MDN1: variants seen among roughly 807,000 people sequenced by gnomAD.
MDN1 encodes midasin.
A neutral mutation model predicts 669.2 loss-of-function variants in MDN1; 266 were observed. The observed-to-expected ratio is 0.40, with a 90% CI of 0.36 to 0.44. The LOEUF is 0.44. MDN1 is among the 20% of genes least tolerant of loss of function. MDN1 has a pLI of 1.00. For synonymous variants in MDN1, 2,385 were observed against 2,457.1 expected, an observed-to-expected ratio of 0.97 and a Z score of 0.87; for missense variants, 5,940 against 6,754.0, an observed-to-expected ratio of 0.88 and a Z score of 4.22.
intron 70 of MDN1, among the ~76,000 whole-genome samples, chr6:89,685,604 A>G (rs573113126): frequency 2.0e-5 from 3 of 152,300 alleles, no homozygotes; most frequent in Admixed American, 6.5e-5. Context: ...TTCATCTGGC[A>G]ATTTACCTCT....
intron 95 of MDN1, among the ~76,000 whole-genome samples, chr6:89,651,280 G>A (rs563952894): frequency 6.4e-5 from 9 of 140,652 alleles, no homozygotes; most frequent in South Asian, 4.4e-4. Context: ...GGTCAAGATC[G>A]CGCCACAGCA....
chr6:89,774,513 A>G, intron 13 of MDN1, 108 bp downstream of exon 13: 1 of 771,092 alleles, frequency 1.3e-6, no homozygotes, highest in Non-Finnish European at 2.2e-6. Flanking sequence ...TACTACAGAT[A>G]TCACAGTTCA....
At chr6:89,791,499 A>C (rs1819266846) in intron 5 of MDN1, among the ~76,000 whole-genome samples, 1 of 152,218 alleles carries the variant, frequency 6.6e-6, no homozygotes, top group Admixed American at 6.5e-5. Context: ...TCATGCAGAA[A>C]TATAAATGAA....
rs998171297 is a variant in MDN1, at chr6:89,772,449, G to A, written c.2083+124C>T. 9.9e-6 allele frequency: 10 copies of A among 1,013,508 alleles called. No individual in the cohort carries two copies. The South Asian group carries it at 1.1e-4, about 12-fold the overall frequency. 62.8% of individuals were successfully genotyped at this position (1,013,508 alleles called of 1,614,324 possible). On this transcript the variant is annotated intron_variant, in intron 14 of 101. Transcript: ENST00000369393. ...TTAACAGTAGTTATTTCCAGGCAGA[G>A]ATTACATGTGGGGTGCTGGCACTCT...
intron 78 of MDN1, among the ~76,000 whole-genome samples, chr6:89,675,133 T>G (rs896108756): frequency 2.6e-5 from 4 of 152,230 alleles, no homozygotes; most frequent in African/African-American, 9.6e-5. Context: ...AGCCTAACTA[T>G]TGGCCCACAT....
chr6:89,658,285 G>C lies in MDN1; in HGVS notation c.15107C>G (p.Thr5036Ser). ...TGTGTTCTGCATGTTCTCCACACCA[G>C]TCTGCCCACAGGAGGCATGCTCCTT... ...ERKEHASCGQTGVENMQNTQA... is the reference protein window; with the variant it reads ...ERKEHASCGQSGVENMQNTQA... The change falls in exon 90 of 102, where the codon ACT (threonine) becomes AGT (serine). Residue 5036 changes from threonine (T) to serine (S), a missense_variant. Physicochemically the swap from Thr to Ser is moderately conservative, Grantham distance 58 (BLOSUM62 1). Transcript: ENST00000369393. The C allele has an allele frequency of 2.5e-6, 4 of 1,614,188 alleles. No individual in the cohort carries two copies. The highest frequency in any genetic ancestry group is 3.4e-6 in the Non-Finnish European group (4 of 1,180,034).
chr6:89,799,135 T>C (rs1767466319), intron 2 of MDN1, among the ~76,000 whole-genome samples: 1 of 152,238 alleles, frequency 6.6e-6, no homozygotes, highest in Non-Finnish European at 1.5e-5. Flanking sequence ...TTCTGCTGTA[T>C]GGCCGCATGA....
Position 89,785,076 on chromosome 6 carries a change from G to A in MDN1, c.1385C>T (p.Thr462Ile). The change falls in exon 9 of 102, where the codon ACT (threonine) becomes ATT (isoleucine). Residue 462 changes from threonine (T) to isoleucine (I), a missense_variant. Around this residue, in one of 5 missense-constraint regions of MDN1, gnomAD observed 1,203 missense variants for 1,268.9 expected, o/e 0.95. Coordinates refer to ENST00000369393, the MANE Select transcript of MDN1 (RefSeq NM_014611.3). ...TTTGGTCCAATATTTGTCTAGCAAA[G>A]TAGCATGACTGTTTAGCGGTCGATA... The part of the protein sequence containing the change: ...NWYRPLNSHA[T>I]LLDKYWTKIH... The A allele has an allele frequency of 6.2e-7, 1 of 1,614,132 alleles. No homozygotes were observed. Among genetic ancestry groups the A allele is most frequent in the Non-Finnish European group, 8.5e-7 (1 of 1,179,988 alleles).
At chr6:89,734,691 A>AAGAGAGAG (rs1554188772) in intron 33 of MDN1, among the ~76,000 whole-genome samples, 1 of 112,996 alleles carries the variant, frequency 8.8e-6, no homozygotes, top group Non-Finnish European at 1.7e-5. Flanking sequence ...AAAAAAAAAC[A>AAGAGAGAG]AGAGAGAGAG....
At chr6:89,739,373 T>C (rs1429126493) in intron 32 of MDN1, among the ~76,000 whole-genome samples, 1 of 152,204 alleles carries the variant, frequency 6.6e-6, no homozygotes, top group African/African-American at 2.4e-5. Flanking sequence ...CCAGTTTTTA[T>C]ATTTTGAATG....
At chr6:89,684,171 C>A (rs565678197) in intron 71 of MDN1, among the ~76,000 whole-genome samples, 21 of 152,112 alleles carry the variant, frequency 1.4e-4, no homozygotes, top group South Asian at 4.2e-4. Context: ...GGTGAAACCC[C>A]GTCTCTACTA....
intron 17 of MDN1, among the ~76,000 whole-genome samples, chr6:89,760,385 C>T (rs1234809647): frequency 6.6e-6 from 1 of 152,178 alleles, no homozygotes; most frequent in Non-Finnish European, 1.5e-5. Flanking sequence ...TCCCCGGAGA[C>T]ACACATGGTG....
rs1223973267 is a variant in MDN1, at chr6:89,684,900, A to G, written c.11805T>C (p.Arg3935=). The part of the protein sequence containing the change: ...DRVQAKIVEL[R]SPLEKELKEF... ...CTTTAAGTTCTTTTTCTAGGGGGGA[A>G]CGAAGTTCCACAATTTTGGCCTGGA... Residue 3935 remains arginine, a synonymous_variant, in exon 71 of 102, where the codon CGT becomes CGC. Coordinates refer to ENST00000369393, the MANE Select transcript of MDN1 (RefSeq NM_014611.3). 1 of 1,610,192 alleles carries G rather than the reference A, an allele frequency of 6.2e-7. No individual in the cohort carries two copies. The highest frequency in any genetic ancestry group is 2.2e-5 in the East Asian group (1 of 44,882).
chr6:89,658,951 A>G, intron 88 of MDN1, 34 bp from the exon 89 acceptor site: 1 of 1,546,132 alleles, frequency 6.5e-7, no homozygotes, highest in Non-Finnish European at 8.7e-7. Context: ...GGAGTGCAGA[A>G]TTTTTGAAAC....
At chr6:89,780,640 CCTTTT>C (rs1818620437) in intron 10 of MDN1, among the ~76,000 whole-genome samples, 1 of 144,092 alleles carries the variant, frequency 6.9e-6, no homozygotes, top group Non-Finnish European at 1.5e-5. Context: ...GATGCCATTT[CCTTTT>C]TTTTTTTTTT....
At chr6:89,780,916 T>C (rs1182663327) in intron 10 of MDN1, among the ~76,000 whole-genome samples, 2 of 151,868 alleles carry the variant, frequency 1.3e-5, no homozygotes, top group Non-Finnish European at 2.9e-5. Flanking sequence ...CCCAAAGTGC[T>C]GGGATTACAG....
Position 89,701,464 on chromosome 6 carries a change from G to A in MDN1, c.8427+94C>T, listed in dbSNP as rs1584225174. 2.5e-5 allele frequency: 37 copies of A among 1,468,736 alleles called. No individual in the cohort carries two copies. The East Asian group carries it at 7.0e-4, about 28-fold the overall frequency. 91.0% of individuals were successfully genotyped at this position (1,468,736 alleles called of 1,614,324 possible). A position where few individuals can be genotyped will look rare whatever the true frequency, so the allele number is the denominator to read the frequency against. ...GCAAGAGTTATGCTTTCAAGACAAGGATTAATCTTATACAATGTCAGTTCC... is the reference window on the plus strand; with the variant it reads ...GCAAGAGTTATGCTTTCAAGACAAGAATTAATCTTATACAATGTCAGTTCC... On this transcript the variant is annotated intron_variant, in intron 55 of 101. Transcript: ENST00000369393.
chr6:89,796,348 A>C (rs1296280469), intron 2 of MDN1, among the ~76,000 whole-genome samples: 1 of 149,786 alleles, frequency 6.7e-6, no homozygotes, highest in Non-Finnish European at 1.5e-5. Flanking sequence ...AAAAAAAAAA[A>C]AACAAAAAAA....
At chr6:89,765,558 C>G (rs1817768834) in intron 15 of MDN1, among the ~76,000 whole-genome samples, 1 of 152,194 alleles carries the variant, frequency 6.6e-6, no homozygotes, top group Admixed American at 6.5e-5. Context: ...AAGCAATACT[C>G]CCACCTTTGC....
Sources: gnomAD v4.1 joint callset for allele counts (sites outside exome capture counted in the v4.1 genomes callset) on GRCh38, gnomAD v4.1.1 for gene constraint, gnomAD v4.1.1 regional missense constraint, MANE v1.5 for transcripts, NCBI Gene and HGNC (gene_info 2026-07-23, HGNC 2026-07-21) for gene names.